PRKN: variants seen among roughly 807,000 people sequenced by gnomAD.
PRKN encodes E3 ubiquitin-protein ligase parkin.
A neutral mutation model predicts 59.5 loss-of-function variants in PRKN; 56 were observed. The observed-to-expected ratio is 0.94, with a 90% CI of 0.76 to 1.18. The LOEUF is 1.18. PRKN is among the 50% of genes most tolerant of loss of function. The pLI is 0.00. For synonymous variants in PRKN, 250 were observed against 222.1 expected (o/e 1.13, Z -1.12); for missense variants, 657 against 596.4 (o/e 1.10, Z -1.06).
At chr6:162,112,796 CTGAGTATCG>C (rs957217731) in intron 4 of PRKN, among the ~76,000 whole-genome samples, 1 of 151,252 alleles carries the variant, frequency 6.6e-6, no homozygotes, top group African/African-American at 2.4e-5. Flanking sequence ...AAAAAAAAAG[CTGAGTATCG>C]TGGTTTACAC....
chr6:162,517,424 T>C (rs1156453774), intron 1 of PRKN, among the ~76,000 whole-genome samples: 1 of 151,610 alleles, frequency 6.6e-6, no homozygotes, highest in African/African-American at 2.4e-5. Flanking sequence ...ATTTGTTTTT[T>C]TTTTTGTATT....
At chr6:162,467,770 G>A (rs1018513440) in intron 1 of PRKN, among the ~76,000 whole-genome samples, 10 of 151,838 alleles carry the variant, frequency 6.6e-5, no homozygotes, top group African/African-American at 2.2e-4. Flanking sequence ...AGGGCTGCAC[G>A]GCCTGGCTCC....
At chr6:162,084,700 A>G (rs1322716045) in intron 4 of PRKN, among the ~76,000 whole-genome samples, 1 of 152,058 alleles carries the variant, frequency 6.6e-6, no homozygotes, top group African/African-American at 2.4e-5. Context: ...ACATTAGTAA[A>G]TTTTCCTATA....
intron 1 of PRKN, among the ~76,000 whole-genome samples, chr6:162,468,899 A>C (rs1410177559): frequency 6.6e-6 from 1 of 152,194 alleles, no homozygotes; most frequent in East Asian, 1.9e-4. Flanking sequence ...AGGGGAAAAA[A>C]CAGAAGAAAT....
intron 4 of PRKN, among the ~76,000 whole-genome samples, chr6:162,161,065 GAGAGT>G (rs1186198295): frequency 1.3e-5 from 2 of 152,136 alleles, no homozygotes; most frequent in Non-Finnish European, 2.9e-5. Flanking sequence ...ATTCTAATTT[GAGAGT>G]AGATACACTA....
chr6:162,409,465 C>T (rs1199718763), intron 2 of PRKN, among the ~76,000 whole-genome samples: 1 of 152,016 alleles, frequency 6.6e-6, no homozygotes, highest in Non-Finnish European at 1.5e-5. Flanking sequence ...ACCCCTCTCC[C>T]TTTTCTGTAG....
intron 1 of PRKN, among the ~76,000 whole-genome samples, chr6:162,455,852 A>G (rs1379531965): frequency 6.6e-6 from 1 of 152,148 alleles, no homozygotes; most frequent in Non-Finnish European, 1.5e-5. Context: ...CAATGTTTCA[A>G]AATTTGTCAG....
rs921461208 is a variant in PRKN at position 161,400,170 on chromosome 6, C to T, written c.1084-13293G>A. Among the ~76,000 whole-genome samples the T allele has an allele frequency of 2.6e-5, 4 of 152,096 alleles. No homozygotes were observed. The highest frequency in any genetic ancestry group is 7.2e-5 in the African/African-American group (3 of 41,392). ...ACTGCGCAGGTCTACAAGGACCCTG[C>T]TGTCTGAGGACTCCTTGCACGATGC... is the stretch of plus-strand genomic sequence containing the variant. On this transcript the variant is annotated intron_variant, in intron 9 of 11. Transcript: ENST00000366898. This position sits in a 1 kb window ranked among gnomAD's most constrained non-coding sequence, Gnocchi z 4.2.
chr6:161,774,239 G>C (rs972714444), intron 7 of PRKN, among the ~76,000 whole-genome samples: 15 of 152,224 alleles, frequency 9.9e-5, no homozygotes, highest in Admixed American at 3.3e-4. Context: ...GGAGAGGAAA[G>C]CTGAGAAGCC....
At chr6:162,671,618 A>G (rs1234843201) in intron 1 of PRKN, among the ~76,000 whole-genome samples, 1 of 152,118 alleles carries the variant, frequency 6.6e-6, no homozygotes, top group African/African-American at 2.4e-5. Context: ...GCAGTAATCA[A>G]AAATTCCGAA....
At chr6:161,865,278 C>G (rs11969031) in intron 6 of PRKN, among the ~76,000 whole-genome samples, 1 of 152,206 alleles carries the variant, frequency 6.6e-6, no homozygotes, top group Admixed American at 6.5e-5. Flanking sequence ...TTGTTGTTCC[C>G]TTTATAGAGC....
At chr6:161,716,178 A>C in intron 7 of PRKN, 1 of 960,628 alleles carries the variant, frequency 1.0e-6, no homozygotes, top group Non-Finnish European at 1.5e-6. Flanking sequence ...TGATGCTCAC[A>C]GCAACCTTGT....
intron 7 of PRKN, among the ~76,000 whole-genome samples, chr6:161,691,162 G>C (rs1412036317): frequency 6.6e-6 from 1 of 152,050 alleles, no homozygotes; most frequent in South Asian, 2.1e-4. Flanking sequence ...TTTCTCCAGA[G>C]AGCCTTAACA....
At chr6:162,464,659 C>CA (rs1164797005) in intron 1 of PRKN, among the ~76,000 whole-genome samples, 14,774 of 79,886 alleles carry the variant, frequency 0.18, 995 homozygotes, top group African/African-American at 0.23. Context: ...ACTAAAAATA[C>CA]AAAAAAAAAA....
chr6:161,994,504 C>T (rs1293352679), intron 5 of PRKN, among the ~76,000 whole-genome samples: 2 of 151,886 alleles, frequency 1.3e-5, no homozygotes, highest in African/African-American at 4.8e-5. Context: ...GAAAAGTCAT[C>T]CAAACTGGAA....
At chr6:161,886,055 G>T (rs944150192) in intron 6 of PRKN, among the ~76,000 whole-genome samples, 12 of 152,120 alleles carry the variant, frequency 7.9e-5, no homozygotes, top group African/African-American at 2.7e-4. Context: ...AGTATTTCCT[G>T]CAAAGAAGCT....
chr6:162,513,699 G>A (rs34268859), intron 1 of PRKN, among the ~76,000 whole-genome samples: 13,565 of 152,124 alleles, frequency 0.089, 732 homozygotes, highest in Middle Eastern at 0.17. Flanking sequence ...TTATGAATTG[G>A]GAGACAAGGC....
intron 2 of PRKN, among the ~76,000 whole-genome samples, chr6:162,387,223 GA>G (rs1786875298): frequency 4.8e-5 from 2 of 41,520 alleles, no homozygotes; most frequent in Non-Finnish European, 1.1e-4. Flanking sequence ...TACACACTAA[GA>G]AAAAATAAGC....
intron 4 of PRKN, among the ~76,000 whole-genome samples, chr6:162,067,938 A>C (rs951343721): frequency 6.6e-6 from 1 of 152,192 alleles, no homozygotes; most frequent in Non-Finnish European, 1.5e-5. Context: ...AGCATTTTTT[A>C]TTTACTGTTT....
Sources: gnomAD v4.1 joint callset for allele counts (sites outside exome capture counted in the v4.1 genomes callset) on GRCh38, gnomAD v4.1.1 for gene constraint, Gnocchi (gnomAD v3.1) non-coding constraint, MANE v1.5 for transcripts, NCBI Gene and HGNC (gene_info 2026-07-23, HGNC 2026-07-21) for gene names.